LUZP2: variants seen among roughly 807,000 people sequenced by gnomAD.
LUZP2 encodes the protein leucine zipper protein 2.
In LUZP2, 52 loss-of-function variants were observed where a neutral mutation model predicts 51.6. The ratio of observed to expected loss-of-function variants is 1.01; its 90% confidence interval spans 0.81 to 1.27. LUZP2 has a LOEUF of 1.27. Among genes scored for constraint, LUZP2 ranks in the 50% most tolerant of loss-of-function variants. The probability of loss-of-function intolerance (pLI) is 0.00; values close to 1 mark genes in which losing one functional copy is unlikely to be tolerated. For synonymous variants in LUZP2, 154 were observed against 137.3 expected (o/e 1.12, Z -0.85); for missense variants, 436 against 395.4 (o/e 1.10, Z -0.87).
intron 1 of LUZP2, among the ~76,000 whole-genome samples, chr11:24,715,004 T>C (rs768108977): frequency 2.6e-5 from 4 of 152,088 alleles, no homozygotes; most frequent in Non-Finnish European, 4.4e-5. Flanking sequence ...AAACAGAATA[T>C]CTCCTATCTT....
chr11:24,830,394 T>G (rs1340017959), intron 5 of LUZP2, among the ~76,000 whole-genome samples: 1 of 152,152 alleles, frequency 6.6e-6, no homozygotes, highest in African/African-American at 2.4e-5. Flanking sequence ...GTCCATATGT[T>G]GTAATTGGCT....
intron 1 of LUZP2, among the ~76,000 whole-genome samples, chr11:24,622,119 CT>C (rs35713277): frequency 4.2e-4 from 63 of 149,226 alleles, no homozygotes; most frequent in African/African-American, 1.3e-3. Context: ...TTTTGTATTT[CT>C]TTTTTTTTTA....
chr11:25,002,990 T>C (rs1449146736), intron 9 of LUZP2, among the ~76,000 whole-genome samples: 1 of 152,152 alleles, frequency 6.6e-6, no homozygotes, highest in Non-Finnish European at 1.5e-5. Flanking sequence ...TGTCTTAGGG[T>C]GAGAATAAGC....
In LUZP2 at chr11:25,054,922, A is replaced by G. The variant is rs139673331; in HGVS notation, c.858+4792A>G. Among the ~76,000 whole-genome samples, 97 of 142,082 alleles carry G rather than the reference A, an allele frequency of 6.8e-4. No individual in the cohort carries two copies. In the East Asian group the frequency reaches 0.018, roughly 26 times the overall value. 93.2% of individuals were successfully genotyped at this position (142,082 alleles called of 152,430 possible). On this transcript the variant is annotated intron_variant, in intron 10 of 11. Transcript: ENST00000336930. ...CCCTTACATTTCTTTGCAAATAATAAGACCAAAACATTGTCTTAATAATAC... is the reference window on the plus strand; with the variant it reads ...CCCTTACATTTCTTTGCAAATAATAGGACCAAAACATTGTCTTAATAATAC...
At chr11:24,522,469 C>T (rs1564967409) in intron 1 of LUZP2, among the ~76,000 whole-genome samples, 1 of 152,002 alleles carries the variant, frequency 6.6e-6, no homozygotes, top group Non-Finnish European at 1.5e-5. Context: ...GCAAGTCTTG[C>T]ATGTATGAAC....
chr11:24,535,884 C>A (rs1851161697), intron 1 of LUZP2, among the ~76,000 whole-genome samples: 1 of 151,622 alleles, frequency 6.6e-6, no homozygotes. Flanking sequence ...CTGTCTATGG[C>A]AATTATAGTC....
chr11:25,009,966 T>A (rs1426290898), intron 9 of LUZP2, among the ~76,000 whole-genome samples: 1 of 152,198 alleles, frequency 6.6e-6, no homozygotes, highest in Non-Finnish European at 1.5e-5. Flanking sequence ...AAATATTTTT[T>A]AAATTTCTTC....
chr11:24,769,823 C>T (rs146236593), intron 5 of LUZP2, among the ~76,000 whole-genome samples: 9,513 of 147,378 alleles, frequency 0.065, 745 homozygotes, highest in African/African-American at 0.19. Flanking sequence ...GACAGAGTCT[C>T]GCTCTGTCAC....
intron 9 of LUZP2, among the ~76,000 whole-genome samples, chr11:25,044,032 G>GAGTCTATATATATATCTGATATATATAT (rs1565273094): frequency 2.6e-5 from 3 of 116,586 alleles, no homozygotes; most frequent in African/African-American, 1.3e-4. Flanking sequence ...GATATATATA[G>GAGTCTATATATATATCTGATATATATAT]AGTCTATATA....
chr11:24,981,160 T>TGG (rs1856016643), intron 8 of LUZP2, among the ~76,000 whole-genome samples: 4 of 151,772 alleles, frequency 2.6e-5, no homozygotes, highest in Non-Finnish European at 5.9e-5. Flanking sequence ...ATCCTCTGGG[T>TGG]TTTGCTCATG....
At chr11:24,555,889 G>A (rs1238702627) in intron 1 of LUZP2, among the ~76,000 whole-genome samples, 1 of 152,136 alleles carries the variant, frequency 6.6e-6, no homozygotes. Flanking sequence ...TAACTGGGAG[G>A]ACTGCTTGAG....
chr11:24,728,373 T>A (rs966105111), intron 1 of LUZP2, among the ~76,000 whole-genome samples: 2 of 152,122 alleles, frequency 1.3e-5, no homozygotes, highest in Middle Eastern at 3.4e-3. Flanking sequence ...CCATTTTGTA[T>A]GTTTTGCTGA....
intron 1 of LUZP2, among the ~76,000 whole-genome samples, chr11:24,654,652 G>A (rs1781243430): frequency 1.1e-5 from 1 of 94,126 alleles, no homozygotes; most frequent in Non-Finnish European, 2.0e-5. Flanking sequence ...CCACCCCTGA[G>A]TAGCTGGGAT....
chr11:24,800,291 C>T (rs920017484), intron 5 of LUZP2, among the ~76,000 whole-genome samples: 4 of 152,090 alleles, frequency 2.6e-5, no homozygotes, highest in East Asian at 1.9e-4. Context: ...GACTCCGTGG[C>T]CCCCTCCTCC....
intron 1 of LUZP2, among the ~76,000 whole-genome samples, chr11:24,689,550 A>G (rs575367680): frequency 6.6e-4 from 101 of 152,082 alleles, no homozygotes; most frequent in African/African-American, 2.4e-3. Context: ...ACCAATTTCT[A>G]TTTTAGAGAG....
Position 24,896,173 on chromosome 11 carries a change from C to T in LUZP2, c.397-9818C>T, listed in dbSNP as rs150316429. ...GCCTTCGGTTCCTCCTCGTCCTAGG[C>T]TTCCTCTCTGACCACGCTCGAGGAG... is the stretch of plus-strand genomic sequence containing the variant. On this transcript the variant is annotated intron_variant, in intron 5 of 11. Transcript: ENST00000336930. Among the ~76,000 whole-genome samples, 462 of 152,376 alleles carry T rather than the reference C, an allele frequency of 3.0e-3. 2 individuals carry two copies. The highest frequency in any genetic ancestry group is 0.011 in the African/African-American group (449 of 41,596).
intron 5 of LUZP2, among the ~76,000 whole-genome samples, chr11:24,788,796 A>T (rs1196980853): frequency 6.6e-6 from 1 of 152,118 alleles, no homozygotes; most frequent in Non-Finnish European, 1.5e-5. Flanking sequence ...TCTGCTGCTG[A>T]ATTCCCTCTT....
chr11:24,645,804 A>G (rs1435279986), intron 1 of LUZP2, among the ~76,000 whole-genome samples: 1 of 152,010 alleles, frequency 6.6e-6, no homozygotes, highest in African/African-American at 2.4e-5. Flanking sequence ...AGCTACAAAA[A>G]GTAAACTGAA....
chr11:24,806,182 T>C (rs1590562591), intron 5 of LUZP2, among the ~76,000 whole-genome samples: 1 of 152,210 alleles, frequency 6.6e-6, no homozygotes, highest in African/African-American at 2.4e-5. Context: ...TATTTTATCA[T>C]TGGTAAATGT....
Sources: allele counts gnomAD v4.1 joint callset (sites outside exome capture counted in the v4.1 genomes callset), GRCh38; gene constraint gnomAD v4.1.1; transcripts MANE v1.5; gene names NCBI Gene and HGNC (gene_info 2026-07-23, HGNC 2026-07-21).